PTPRM: variants seen among roughly 807,000 people sequenced by gnomAD.
PTPRM encodes the protein receptor-type tyrosine-protein phosphatase mu.
Under a neutral mutation model 186.7 loss-of-function variants are expected in PTPRM, and 47 were observed. The ratio of observed to expected loss-of-function variants is 0.25; its 90% CI spans 0.20 to 0.32. PTPRM has a LOEUF of 0.32. PTPRM is among the 10% of genes least tolerant of loss of function. The pLI is 1.00. For synonymous variants in PTPRM, 668 were observed against 674.9 expected, an observed-to-expected ratio of 0.99 and a Z score of 0.16; for missense variants, 1,494 against 1,865.0, an observed-to-expected ratio of 0.80 and a Z score of 3.66.
Position 7,831,497 on chromosome 18 carries a change from G to A in PTPRM, c.197-56609G>A, listed in dbSNP as rs569965141. Among the ~76,000 whole-genome samples the A allele has an allele frequency of 5.9e-5, 9 of 151,880 alleles. No individual in the cohort carries two copies. The South Asian group carries it at 1.7e-3, about 28-fold the overall frequency. ...TTTTAATTTTTTAAAAATTGTTATG[G>A]TACATAGTAGGTATGTATATTTAAG... On this transcript the variant is annotated intron_variant, in intron 2 of 32. Coordinates refer to ENST00000580170, the MANE Select transcript of PTPRM (RefSeq NM_001105244.2).
chr18:7,584,094 C>G (rs1398974606), intron 1 of PTPRM, among the ~76,000 whole-genome samples: 1 of 152,154 alleles, frequency 6.6e-6, no homozygotes, highest in Non-Finnish European at 1.5e-5. Context: ...TGGTTATGTA[C>G]TTTGCTTATT....
intron 7 of PTPRM, among the ~76,000 whole-genome samples, chr18:8,021,165 T>C (rs2085194697): frequency 6.6e-6 from 1 of 152,164 alleles, no homozygotes; most frequent in Admixed American, 6.5e-5. Context: ...TGGAAAATAC[T>C]CTGTGTACTT....
At chr18:8,120,480 C>G (rs1217798544) in intron 13 of PTPRM, among the ~76,000 whole-genome samples, 5 of 143,642 alleles carry the variant, frequency 3.5e-5, no homozygotes, top group Middle Eastern at 7.1e-3. Context: ...TTTTCTTTTT[C>G]TTTCTTTCTT....
intron 5 of PTPRM, chr18:7,946,768 T>A: frequency 2.8e-6 from 1 of 356,190 alleles, no homozygotes; most frequent in South Asian, 2.1e-5. Context: ...AAGACTGTTT[T>A]ACAGATAATA....
At chr18:8,142,402 C>G (rs894348768) in intron 13 of PTPRM, among the ~76,000 whole-genome samples, 14 of 152,134 alleles carry the variant, frequency 9.2e-5, no homozygotes, top group African/African-American at 3.4e-4. Flanking sequence ...TGTATAAAAT[C>G]TCACCAGGAA....
intron 1 of PTPRM, among the ~76,000 whole-genome samples, chr18:7,772,328 C>CTT (rs2042315415): frequency 7.2e-6 from 1 of 139,244 alleles, no homozygotes; most frequent in African/African-American, 2.7e-5. Context: ...TCCCTTCGTT[C>CTT]TTTCTTTTCT....
chr18:8,162,482 A>G (rs185030661), intron 14 of PTPRM, among the ~76,000 whole-genome samples: 2 of 152,304 alleles, frequency 1.3e-5, no homozygotes, highest in East Asian at 3.9e-4. Context: ...GGAAAGAGGA[A>G]TGGGTGGCCC....
intron 31 of PTPRM, among the ~76,000 whole-genome samples, chr18:8,391,513 T>C (rs962119239): frequency 6.6e-6 from 1 of 152,204 alleles, no homozygotes; most frequent in Non-Finnish European, 1.5e-5. Flanking sequence ...GTATGGTTCA[T>C]TTACACAAAG....
At chr18:7,777,307 A>G (rs2042635073) in intron 2 of PTPRM, among the ~76,000 whole-genome samples, 1 of 152,216 alleles carries the variant, frequency 6.6e-6, no homozygotes, top group Non-Finnish European at 1.5e-5. Flanking sequence ...CTTGTGAGCT[A>G]AGAGTGGTTG....
intron 17 of PTPRM, among the ~76,000 whole-genome samples, chr18:8,250,895 G>T (rs929467542): frequency 6.6e-6 from 1 of 151,936 alleles, no homozygotes; most frequent in Non-Finnish European, 1.5e-5. Context: ...TCTTTTTTAA[G>T]TTAGAGAAGA....
At chr18:8,052,282 G>A (rs2087559400) in intron 7 of PTPRM, among the ~76,000 whole-genome samples, 1 of 152,126 alleles carries the variant, frequency 6.6e-6, no homozygotes, top group Non-Finnish European at 1.5e-5. Context: ...AAGTCTCTGG[G>A]GATGAGGCCT....
At chr18:8,374,266 C>A (rs1568855327) in intron 24 of PTPRM, among the ~76,000 whole-genome samples, 1 of 152,164 alleles carries the variant, frequency 6.6e-6, no homozygotes, top group Non-Finnish European at 1.5e-5. Context: ...GTTGCTGGAA[C>A]TGAAATCTAA....
intron 13 of PTPRM, among the ~76,000 whole-genome samples, chr18:8,131,955 TC>T (rs1332649717): frequency 2.0e-5 from 3 of 152,252 alleles, no homozygotes; most frequent in Non-Finnish European, 2.9e-5. Flanking sequence ...CTAGTAAATA[TC>T]CAAGCAATGC....
At chr18:7,795,810 CT>C (rs397741769) in intron 2 of PTPRM, among the ~76,000 whole-genome samples, 2,493 of 117,696 alleles carry the variant, frequency 0.021, 45 homozygotes, top group African/African-American at 0.07. Context: ...TTCTTTCTTT[CT>C]TTTTTTTTTT....
chr18:7,659,704 A>G (rs1026418291), intron 1 of PTPRM, among the ~76,000 whole-genome samples: 1 of 152,258 alleles, frequency 6.6e-6, no homozygotes, highest in African/African-American at 2.4e-5. Context: ...TCCACTGAAT[A>G]TATCTTTTTT....
chr18:7,602,996 C>T (rs1182061647), intron 1 of PTPRM, among the ~76,000 whole-genome samples: 4 of 151,118 alleles, frequency 2.6e-5, no homozygotes, highest in African/African-American at 7.3e-5. Flanking sequence ...GTTGTGATCT[C>T]GGCTCGCTAC....
rs114232571 is a variant in PTPRM, at chr18:8,313,838, G to A, written c.2843-943G>A. 2.1e-3 allele frequency among the ~76,000 whole-genome samples: 314 copies of A among 151,950 alleles called. 2 individuals are homozygous for A. Among genetic ancestry groups the A allele is most frequent in the African/African-American group, 7.3e-3 (304 of 41,440 alleles). On this transcript the variant is annotated intron_variant, in intron 20 of 32. Transcript: ENST00000580170. Reference sequence around the variant, plus strand: ...CTCCCATTTATGAGTGACAACATACGAAGCACATCCCTTTTTAAAATATGG... The same window carrying A: ...CTCCCATTTATGAGTGACAACATACAAAGCACATCCCTTTTTAAAATATGG...
At chr18:7,641,495 T>C (rs2144180869) in intron 1 of PTPRM, among the ~76,000 whole-genome samples, 1 of 152,268 alleles carries the variant, frequency 6.6e-6, no homozygotes, top group South Asian at 2.1e-4. Context: ...AAAACACACA[T>C]CTTCCAGATA....
chr18:8,340,958 T>G (rs949514611), intron 22 of PTPRM, among the ~76,000 whole-genome samples: 1 of 152,186 alleles, frequency 6.6e-6, no homozygotes, highest in East Asian at 1.9e-4. Flanking sequence ...AAGCTAGGAT[T>G]GTACTGTGGT....
Sources: allele counts gnomAD v4.1 joint callset (sites outside exome capture counted in the v4.1 genomes callset), GRCh38; gene constraint gnomAD v4.1.1; transcripts MANE v1.5; gene names NCBI Gene and HGNC (gene_info 2026-07-23, HGNC 2026-07-21).